The following AGBL4 variants were observed in gnomAD, a reference collection of about 807,000 sequenced individuals.
AGBL4 encodes AGBL carboxypeptidase 4, also known as cytosolic carboxypeptidase 6.
A neutral mutation model predicts 66.4 loss-of-function variants in AGBL4; 58 were observed. The observed-to-expected ratio is 0.87, with a 90% CI of 0.71 to 1.09. AGBL4 has a LOEUF of 1.09. Among genes scored for constraint, AGBL4 ranks in the 50% least tolerant of loss-of-function variants. The pLI, the probability that AGBL4 is intolerant of heterozygous loss-of-function variation, is 0.00. For missense variants in AGBL4, 579 were observed against 631.0 expected (o/e 0.92, Z 0.88); for synonymous variants, 234 against 222.9 (o/e 1.05, Z -0.44).
At chr1:49,299,712 T>C (rs1352699035) in intron 3 of AGBL4, among the ~76,000 whole-genome samples, 1 of 152,202 alleles carries the variant, frequency 6.6e-6, no homozygotes, top group Non-Finnish European at 1.5e-5. Context: ...TCTTTCCTTG[T>C]TCCTGATCTT....
intron 5 of AGBL4, among the ~76,000 whole-genome samples, chr1:49,018,778 C>T (rs984507056): frequency 2.0e-5 from 3 of 152,116 alleles, no homozygotes; most frequent in African/African-American, 7.2e-5. Context: ...AATTTTAACT[C>T]CTAGATATTT....
intron 5 of AGBL4, among the ~76,000 whole-genome samples, chr1:49,042,511 A>G (rs180990154): frequency 8.5e-5 from 13 of 152,262 alleles, no homozygotes; most frequent in African/African-American, 2.9e-4. Context: ...TTAAATGTGG[A>G]TGAGTTCTAG....
At chr1:49,791,698 C>A (rs2147929334) in intron 2 of AGBL4, among the ~76,000 whole-genome samples, 2 of 152,170 alleles carry the variant, frequency 1.3e-5, no homozygotes, top group South Asian at 4.1e-4. Context: ...TCTCACAGAT[C>A]CCTACTATCT....
At chr1:49,141,980 C>T (rs1404098992) in intron 4 of AGBL4, among the ~76,000 whole-genome samples, 1 of 152,096 alleles carries the variant, frequency 6.6e-6, no homozygotes, top group Non-Finnish European at 1.5e-5. Flanking sequence ...AGGAACTGAG[C>T]CACACAGCAC....
intron 3 of AGBL4, among the ~76,000 whole-genome samples, chr1:49,640,839 C>T (rs1645766813): frequency 6.6e-6 from 1 of 152,084 alleles, no homozygotes; most frequent in Admixed American, 6.6e-5. Context: ...GTGCATAACA[C>T]CAGAACTGCC....
chr1:48,884,544 T>C lies in AGBL4; in HGVS notation c.595-17314A>G, dbSNP rs1005945561. ...CTTTTCTTCCCTGAGCCAGCTCCTA[T>C]ATGTGGGCAGATGGAAGACAGTGAC... On this transcript the variant is annotated intron_variant, in intron 5 of 13. Transcript: ENST00000371839. Among the ~76,000 whole-genome samples the C allele has an allele frequency of 3.3e-5, 5 of 152,198 alleles. No individual in the cohort carries two copies. In the East Asian group the frequency reaches 9.6e-4, roughly 29 times the overall value.
intron 3 of AGBL4, among the ~76,000 whole-genome samples, chr1:49,653,023 C>A (rs967889492): frequency 2.0e-5 from 3 of 152,120 alleles, no homozygotes; most frequent in African/African-American, 7.2e-5. Flanking sequence ...GGTGAGACCT[C>A]CCAACAGGAG....
At position 48,736,157 on chromosome 1, in the gene AGBL4, G is replaced by A. The variant is rs374674999; in HGVS notation, c.635-72916C>T. The A allele has an allele frequency of 4.8e-5, 71 of 1,465,222 alleles. 1 individual carries two copies. In the East Asian group the frequency reaches 6.1e-4, roughly 13 times the overall value. The allele number at this position is 1,465,222 out of a possible 1,614,324, so 90.8% of individuals were successfully genotyped here. On this transcript the variant is annotated intron_variant, in intron 6 of 13. Coordinates refer to ENST00000371839, the MANE Select transcript of AGBL4 (RefSeq NM_032785.4). The surrounding 1 kb of genome is among the most constrained non-coding windows in gnomAD (Gnocchi z 4.0). ...GCATGCAGAAGCTTCATAAGTAATC[G>A]TTGAATTGAATTGTGCCTAACACAT...
At chr1:49,908,326 G>A (rs1445597214) in intron 1 of AGBL4, among the ~76,000 whole-genome samples, 3 of 152,186 alleles carry the variant, frequency 2.0e-5, no homozygotes, top group Non-Finnish European at 4.4e-5. Flanking sequence ...ACTGGATCAT[G>A]GGGGAAGATT....
intron 2 of AGBL4, among the ~76,000 whole-genome samples, chr1:49,737,543 G>T (rs534930807): frequency 2.6e-5 from 4 of 152,252 alleles, no homozygotes; most frequent in Admixed American, 6.5e-5. Flanking sequence ...GGGAGAGAGA[G>T]ACAGGGGCAA....
chr1:49,208,659 T>TA (rs1648434366), intron 4 of AGBL4, among the ~76,000 whole-genome samples: 1 of 152,088 alleles, frequency 6.6e-6, no homozygotes, highest in African/African-American at 2.4e-5. Flanking sequence ...CTTCTCACCT[T>TA]ACCATAGTGC....
chr1:49,737,842 G>A (rs1650026755), intron 2 of AGBL4, among the ~76,000 whole-genome samples: 1 of 152,186 alleles, frequency 6.6e-6, no homozygotes, highest in Non-Finnish European at 1.5e-5. Flanking sequence ...AAAAAAGATA[G>A]TCTTAGATGG....
chr1:48,875,196 C>T (rs1649101669), intron 5 of AGBL4, among the ~76,000 whole-genome samples: 1 of 152,032 alleles, frequency 6.6e-6, no homozygotes, highest in Non-Finnish European at 1.5e-5. Context: ...TAAGTGCTCC[C>T]AAGAAAAATA....
chr1:48,679,500 T>C (rs1044306286), intron 6 of AGBL4, among the ~76,000 whole-genome samples: 1 of 149,906 alleles, frequency 6.7e-6, no homozygotes, highest in Non-Finnish European at 1.5e-5. Flanking sequence ...GAACCTGCCT[T>C]ATCTATCCTC....
chr1:48,785,011 A>G (rs1215580767), intron 6 of AGBL4, among the ~76,000 whole-genome samples: 10 of 152,216 alleles, frequency 6.6e-5, no homozygotes, highest in Non-Finnish European at 1.5e-4. Flanking sequence ...GGGGCCAACT[A>G]GTTTGAGAAG....
At position 49,250,851 on chromosome 1, in the gene AGBL4, G is replaced by A. The variant is rs374707530; in HGVS notation, c.283-4987C>T. Among the ~76,000 whole-genome samples the A allele has an allele frequency of 3.3e-4, 50 of 152,274 alleles. 1 individual carries two copies. In the South Asian group the frequency reaches 9.5e-3, roughly 29 times the overall value. On this transcript the variant is annotated intron_variant, in intron 3 of 13. Transcript: ENST00000371839. The stretch of plus-strand genomic sequence containing the variant: ...GAACCCTTGACCACCATGGACAATT[G>A]AGGTGGCAGGGAGAGCTGCTTTGAG...
chr1:49,340,399 A>T (rs184348003), intron 3 of AGBL4, among the ~76,000 whole-genome samples: 36 of 152,256 alleles, frequency 2.4e-4, no homozygotes, highest in Admixed American at 2.4e-3. Flanking sequence ...GTGTTAATAA[A>T]TTGACACTGT....
At chr1:49,731,057 T>G (rs186454667) in intron 2 of AGBL4, among the ~76,000 whole-genome samples, 21 of 152,236 alleles carry the variant, frequency 1.4e-4, no homozygotes, top group Non-Finnish European at 2.6e-4. Context: ...GTTTGGTTAA[T>G]GGAAAGCATC....
At chr1:49,638,584 T>A (rs1304074404) in intron 3 of AGBL4, among the ~76,000 whole-genome samples, 1 of 152,178 alleles carries the variant, frequency 6.6e-6, no homozygotes, top group African/African-American at 2.4e-5. Flanking sequence ...GGTAATTGAA[T>A]CATGGGTTCC....
Sources: gnomAD v4.1 joint callset for allele counts (sites outside exome capture counted in the v4.1 genomes callset) on GRCh38, gnomAD v4.1.1 for gene constraint, Gnocchi (gnomAD v3.1) non-coding constraint, MANE v1.5 for transcripts, NCBI Gene and HGNC (gene_info 2026-07-23, HGNC 2026-07-21) for gene names.